HSD17B7: variants seen among roughly 807,000 people sequenced by gnomAD.
HSD17B7 encodes 3-keto-steroid reductase/17-beta-hydroxysteroid dehydrogenase 7.
In HSD17B7, 17 loss-of-function variants were observed where a neutral mutation model predicts 34.1. The ratio of observed to expected loss-of-function variants is 0.50; its 90% confidence interval spans 0.34 to 0.75. HSD17B7 has a LOEUF of 0.75. Among genes scored for constraint, HSD17B7 ranks in the 30% least tolerant of loss-of-function variants. The pLI is 0.01. For missense variants in HSD17B7, 296 were observed against 406.6 expected, an observed-to-expected ratio of 0.73 and a Z score of 2.34; for synonymous variants, 122 against 154.6, an observed-to-expected ratio of 0.79 and a Z score of 1.56.
Position 162,796,621 on chromosome 1 carries a change from G to A in HSD17B7, c.276G>A (p.Gly92=), listed in dbSNP as rs532041312. 5.0e-6 allele frequency: 8 copies of A among 1,612,602 alleles called. No individual in the cohort carries two copies. In the East Asian group the frequency reaches 1.6e-4, roughly 31 times the overall value. Residue 92 remains glycine (G), a synonymous_variant, in exon 3 of 9, where the codon GGG becomes GGA. Transcript: ENST00000254521. Reference sequence around the variant, plus strand: ...TAGACTGTATATATCTAAATGCTGGGATCATGCCTAATCCACAACTAAATA... The same window carrying A: ...TAGACTGTATATATCTAAATGCTGGAATCATGCCTAATCCACAACTAAATA... ...QRLDCIYLNA[G]IMPNPQLNIK... is the part of the protein sequence containing the mutation.
intron 8 of HSD17B7, among the ~76,000 whole-genome samples, chr1:162,810,557 G>A (rs1241463461): frequency 6.6e-6 from 1 of 152,142 alleles, no homozygotes; most frequent in African/African-American, 2.4e-5. Context: ...GGGTGTTAAA[G>A]TCTCCCATTA....
chr1:162,804,005 C>T (rs1423921564), intron 6 of HSD17B7, among the ~76,000 whole-genome samples: 2 of 152,190 alleles, frequency 1.3e-5, no homozygotes, highest in Non-Finnish European at 2.9e-5. Context: ...ATGATTCTCT[C>T]TTTAGGGCTC....
At chr1:162,812,124 G>T (rs1239518552) in intron 8 of HSD17B7, among the ~76,000 whole-genome samples, 174 bp from the exon 9 acceptor site, 3 of 152,222 alleles carry the variant, frequency 2.0e-5, no homozygotes, top group African/African-American at 7.2e-5. Context: ...TTGGAACTGA[G>T]ACTGAGATTT....
chr1:162,794,642 T>C (rs1420094328), intron 2 of HSD17B7, among the ~76,000 whole-genome samples: 1 of 152,022 alleles, frequency 6.6e-6, no homozygotes, highest in Non-Finnish European at 1.5e-5. Flanking sequence ...GAGTTTTAAA[T>C]CATGTTTACA....
rs574673505 is a variant in HSD17B7 at position 162,797,719 on chromosome 1, G to A, written c.333-83G>A. On this transcript the variant is annotated intron_variant, in intron 3 of 8. Coordinates refer to ENST00000254521, the MANE Select transcript of HSD17B7 (RefSeq NM_016371.4). ...TCAAGGGAGGTGTAGTTTATGGGTC[G>A]GGGGGATGGGTTGGAAAGTGTTTTC... is the stretch of plus-strand genomic sequence containing the variant. 6.3e-5 allele frequency: 97 copies of A among 1,538,306 alleles called. No individual in the cohort carries two copies. The South Asian group carries it at 1.0e-3, about 16-fold the overall frequency.
intron 8 of HSD17B7, among the ~76,000 whole-genome samples, chr1:162,808,095 T>A (rs865823763): frequency 2.0e-3 from 301 of 152,272 alleles, no homozygotes; most frequent in Middle Eastern, 0.017. Flanking sequence ...GTTTTTATGG[T>A]TTTAGGTCTA....
At chr1:162,794,106 A>G (rs1648514707) in intron 2 of HSD17B7, among the ~76,000 whole-genome samples, 1 of 152,220 alleles carries the variant, frequency 6.6e-6, no homozygotes, top group South Asian at 2.1e-4. Flanking sequence ...AGAGGAATTT[A>G]TGATGAAAAA....
intron 5 of HSD17B7, among the ~76,000 whole-genome samples, chr1:162,800,845 T>A (rs1043723965): frequency 6.6e-6 from 1 of 152,276 alleles, no homozygotes; most frequent in Non-Finnish European, 1.5e-5. Context: ...TCAAGAATTA[T>A]GTTTTACCTC....
chr1:162,792,718 G>C lies in HSD17B7; in HGVS notation c.95G>C (p.Cys32Ser). The C allele has an allele frequency of 1.2e-6, 2 of 1,614,176 alleles. No individual in the cohort carries two copies. The highest frequency in any genetic ancestry group is 1.7e-6 in the Non-Finnish European group (2 of 1,180,028). The change falls in exon 2 of 9, where the codon TGT becomes TCT. Residue 32 changes from cysteine (C) to serine (S), a missense_variant. Transcript: ENST00000254521. ...LLAEDDELHL[C>S]LACRNMSKAE... ...GCGGAAGATGATGAGCTTCATCTGTGTTTGGCGTGCAGGAACATGAGCAAG... is the reference window on the plus strand; with the variant it reads ...GCGGAAGATGATGAGCTTCATCTGTCTTTGGCGTGCAGGAACATGAGCAAG...
chr1:162,811,003 G>C (rs1649155081), intron 8 of HSD17B7, among the ~76,000 whole-genome samples: 1 of 152,170 alleles, frequency 6.6e-6, no homozygotes, highest in African/African-American at 2.4e-5. Context: ...GATGTTAGCT[G>C]GTTATTTTGT....
intron 8 of HSD17B7, among the ~76,000 whole-genome samples, chr1:162,809,056 A>G (rs561524165): frequency 1.3e-5 from 2 of 152,334 alleles, no homozygotes; most frequent in East Asian, 3.9e-4. Flanking sequence ...CAGTTTTCAA[A>G]GGGAATGCTT....
rs1053662780 is a variant in HSD17B7, at chr1:162,792,569, A to G, written c.36-90A>G. On this transcript the variant is annotated intron_variant, in intron 1 of 8. Coordinates refer to ENST00000254521, the MANE Select transcript of HSD17B7 (RefSeq NM_016371.4). Reference sequence around the variant, plus strand: ...TATCTGGGCTTCTCATTGGAGGTCAACTTGACACAGTTTTCTGAACCAGAG... The same window carrying G: ...TATCTGGGCTTCTCATTGGAGGTCAGCTTGACACAGTTTTCTGAACCAGAG... 7.3e-6 allele frequency: 11 copies of G among 1,517,146 alleles called. No homozygotes were observed. The Admixed American group carries it at 1.7e-4, about 23-fold the overall frequency. 94.0% of individuals were successfully genotyped at this position (1,517,146 alleles called of 1,614,324 possible).
chr1:162,807,288 A>G (rs1649015965), intron 8 of HSD17B7, among the ~76,000 whole-genome samples: 2 of 152,180 alleles, frequency 1.3e-5, no homozygotes, highest in South Asian at 4.2e-4. Context: ...CCATGTCCCT[A>G]CAAAGGATAT....
At chr1:162,792,532 GTCTTT>G in intron 1 of HSD17B7, 122 bp from the exon 2 acceptor site, 6 of 1,234,964 alleles carry the variant, frequency 4.9e-6, no homozygotes, top group Non-Finnish European at 6.6e-6. Flanking sequence ...TAATTGTTGA[GTCTTT>G]TCTTTCTATC....
chr1:162,795,931 C>T (rs1248800374), intron 2 of HSD17B7, among the ~76,000 whole-genome samples: 1 of 152,170 alleles, frequency 6.6e-6, no homozygotes, highest in Admixed American at 6.5e-5. Context: ...CATATCCCTT[C>T]CGTGACAAGT....
chr1:162,809,561 C>G (rs1286347507), intron 8 of HSD17B7, among the ~76,000 whole-genome samples: 3 of 150,898 alleles, frequency 2.0e-5, no homozygotes, highest in African/African-American at 7.4e-5. Flanking sequence ...CTCCTTGTAC[C>G]TCTGGTAGAA....
chr1:162,801,166 G>A (rs1455475651), intron 5 of HSD17B7, among the ~76,000 whole-genome samples: 7 of 152,126 alleles, frequency 4.6e-5, no homozygotes, highest in Non-Finnish European at 7.3e-5. Context: ...AGTAGAGACA[G>A]GGTTTTACTA....
chr1:162,807,543 C>T lies in HSD17B7; in HGVS notation c.903+2051C>T, dbSNP rs565469325. ...TTCTAGTTCTAGATCCTTGAGGAATCGCCACACTGTCTTCCACAATGGTTG... is the reference window on the plus strand; with the variant it reads ...TTCTAGTTCTAGATCCTTGAGGAATTGCCACACTGTCTTCCACAATGGTTG... On this transcript the variant is annotated intron_variant, in intron 8 of 8. Coordinates refer to ENST00000254521, the MANE Select transcript of HSD17B7 (RefSeq NM_016371.4). Among the ~76,000 whole-genome samples the T allele has an allele frequency of 9.9e-5, 15 of 152,240 alleles. No homozygotes were observed. The East Asian group carries it at 1.5e-3, about 16-fold the overall frequency.
chr1:162,797,726 T>A, intron 3 of HSD17B7, 76 bp from the exon 4 acceptor site: 1 of 1,549,694 alleles, frequency 6.5e-7, no homozygotes, highest in Non-Finnish European at 8.8e-7. Flanking sequence ...GTCGGGGGGA[T>A]GGGTTGGAAA....
Sources: gnomAD v4.1 joint callset for allele counts (sites outside exome capture counted in the v4.1 genomes callset) on GRCh38, gnomAD v4.1.1 for gene constraint, MANE v1.5 for transcripts, NCBI Gene and HGNC (gene_info 2026-07-23, HGNC 2026-07-21) for gene names.